Variants in VPS51 observed in about 807,000 individuals in gnomAD.
The protein encoded by VPS51 is VPS51 subunit of GARP complex, also known as vacuolar protein sorting-associated protein 51 homolog.
Under a neutral mutation model 65.1 loss-of-function variants are expected in VPS51, and 55 were observed. The ratio of observed to expected loss-of-function variants is 0.84; its 90% CI spans 0.68 to 1.06. VPS51 has a LOEUF of 1.06. Among genes scored for constraint, VPS51 ranks in the 50% least tolerant of loss-of-function variants. The pLI is 0.00. For missense variants in VPS51, 943 were observed against 1,101.6 expected, an observed-to-expected ratio of 0.86 and a Z score of 2.04; for synonymous variants, 473 against 489.5, an observed-to-expected ratio of 0.97 and a Z score of 0.44.
Position 65,109,774 on chromosome 11 carries a change from A to AC in VPS51, c.1732dup (p.His578ProfsTer107). The stretch of plus-strand genomic sequence containing the variant: ...CAGGGAAACGGCGCGGCGGCTGCTG[A>AC]CCCACTACGTGAAGGTGCAGGGCCT... On this transcript the variant is annotated frameshift_variant, in exon 7 of 10. Transcript: ENST00000279281. LOFTEE classifies it high-confidence loss of function. The AC allele has an allele frequency of 6.2e-7, 1 of 1,603,868 alleles. No individual in the cohort carries two copies. The highest frequency in any genetic ancestry group is 8.5e-7 in the Non-Finnish European group (1 of 1,176,146).
At chr11:65,106,376 G>A (rs1252962601) in intron 2 of VPS51, among the ~76,000 whole-genome samples, 1 of 152,208 alleles carries the variant, frequency 6.6e-6, no homozygotes, top group African/African-American at 2.4e-5. Context: ...CATGGCAGAA[G>A]GTGAAAGAGA....
At position 65,096,360 on chromosome 11, in the gene VPS51, T is replaced by C; in HGVS notation, c.110T>C (p.Leu37Pro). Residue 37 changes from leucine (L) to proline (P), a missense_variant, in exon 1 of 10, where the codon CTG becomes CCG. Transcript: ENST00000279281. ...CGTCGGCGGAAGGCGCACGGGATGC[T>C]GAAGCTTTACTACGGCCTCTCGGAA... The part of the protein sequence containing the change: ...PERRRKAHGM[L>P]KLYYGLSEGE... 2 of 1,533,236 alleles carry C rather than the reference T, an allele frequency of 1.3e-6. No individual in the cohort carries two copies. Among genetic ancestry groups the C allele is most frequent in the Non-Finnish European group, 1.7e-6 (2 of 1,147,578 alleles). The allele number at this position is 1,533,236 out of a possible 1,614,324, so 95.0% of individuals were successfully genotyped here.
intron 2 of VPS51, among the ~76,000 whole-genome samples, chr11:65,101,567 G>A (rs1011884799): frequency 1.3e-5 from 2 of 151,566 alleles, no homozygotes; most frequent in African/African-American, 4.9e-5. Context: ...TCAGGAGTTC[G>A]AGACCATCCT....
At position 65,109,438 on chromosome 11, in the gene VPS51, C is replaced by G. The variant is rs762231844; in HGVS notation, c.1602C>G (p.Tyr534Ter). The change falls in exon 6 of 10, where the codon TAC becomes TAG. Residue 534 changes from tyrosine to a stop codon, truncating the protein, a stop_gained. Coordinates refer to ENST00000279281, the MANE Select transcript of VPS51 (RefSeq NM_013265.4). LOFTEE classifies it high-confidence loss of function. Reference protein sequence around the residue: ...LLLLSRLCLDYETATISYILT... With the variant: ...LLLLSRLCLD ...TGCTCTCCCGCCTCTGCCTGGACTACGAGACGGCCACCATCTCCTACATCC... is the reference window on the plus strand; with the variant it reads ...TGCTCTCCCGCCTCTGCCTGGACTAGGAGACGGCCACCATCTCCTACATCC... The G allele has an allele frequency of 6.2e-7, 1 of 1,609,618 alleles. No homozygotes were observed. The highest frequency in any genetic ancestry group is 2.2e-5 in the East Asian group (1 of 44,876).
At chr11:65,096,518 G>T in intron 1 of VPS51, 40 bp downstream of exon 1, 8 of 499,394 alleles carry the variant, frequency 1.6e-5, no homozygotes, top group South Asian at 1.8e-5. Context: ...GGGGAGGGGG[G>T]AAGGGAACCA....
chr11:65,096,497 T>TGGGGGG lies in VPS51; in HGVS notation c.228+21_228+26dup. 2 of 628,474 alleles carry TGGGGGG rather than the reference T, an allele frequency of 3.2e-6. No individual in the cohort carries two copies. The highest frequency in any genetic ancestry group is 2.4e-5 in the South Asian group (1 of 41,256). 38.9% of individuals were successfully genotyped at this position (628,474 alleles called of 1,614,324 possible). ...AGACAAGGTGTGTGCGCACGGGGAG[T>TGGGGGG]GGGGGGGTGCGGGGAGGGGGGAAGG... On this transcript the variant is annotated intron_variant, in intron 1 of 9. Coordinates refer to ENST00000279281, the MANE Select transcript of VPS51 (RefSeq NM_013265.4).
chr11:65,096,546 T>G, intron 1 of VPS51, 68 bp downstream of exon 1: 3 of 1,308,838 alleles, frequency 2.3e-6, no homozygotes, highest in Non-Finnish European at 3.1e-6. Context: ...GCTATATTGC[T>G]CCCCCAGATC....
intron 7 of VPS51, 190 bp from the exon 8 acceptor site, chr11:65,110,292 T>A (rs759672907): frequency 1.5e-5 from 15 of 987,380 alleles, no homozygotes; most frequent in Non-Finnish European, 2.3e-5. Context: ...CCAACTCTTG[T>A]ATCCTGCCTT....
chr11:65,106,743 TCA>T (rs1947844238), intron 2 of VPS51, among the ~76,000 whole-genome samples: 1 of 106,864 alleles, frequency 9.4e-6, no homozygotes. Context: ...AGAGCGAGAC[TCA>T]GTCTCAAAAA....
intron 9 of VPS51, 191 bp downstream of exon 9, chr11:65,110,972 C>G: frequency 1.4e-6 from 1 of 704,886 alleles, no homozygotes; most frequent in Non-Finnish European, 2.4e-6. Context: ...AGCCCTTGTC[C>G]CAGTCTTGGT....
In VPS51 at chr11:65,109,507, G is replaced by C. The variant is rs370032164; in HGVS notation, c.1659+12G>C. On this transcript the variant is annotated intron_variant, in intron 6 of 9. Transcript: ENST00000279281. ...AGTTTCTGGTGCAGGTGAAGCACTA[G>C]CTCCTAGCCGGGCAGGGAATGGTGT... The C allele has an allele frequency of 1.2e-5, 20 of 1,603,482 alleles. No homozygotes were observed. In the African/African-American group the frequency reaches 2.4e-4, roughly 19 times the overall value.
At position 65,096,497 on chromosome 11, in the gene VPS51, T is replaced by TGGGGGGGGGGGGGGG. The variant is rs61505294; in HGVS notation, c.228+26_228+27insGGGGGGGGGGGGGGG. ...AGACAAGGTGTGTGCGCACGGGGAGTGGGGGGGTGCGGGGAGGGGGGAAGG... is the reference window on the plus strand; with the variant it reads ...AGACAAGGTGTGTGCGCACGGGGAGTGGGGGGGGGGGGGGGGGGGGGGTGCGGGGAGGGGGGAAGG... On this transcript the variant is annotated intron_variant, in intron 1 of 9. Coordinates refer to ENST00000279281, the MANE Select transcript of VPS51 (RefSeq NM_013265.4). The TGGGGGGGGGGGGGGG allele has an allele frequency of 1.6e-6, 1 of 624,562 alleles. No homozygotes were observed. Among genetic ancestry groups the TGGGGGGGGGGGGGGG allele is most frequent in the Non-Finnish European group, 2.5e-6 (1 of 407,172 alleles). The allele number at this position is 624,562 out of a possible 1,614,324, so 38.7% of individuals were successfully genotyped here.
At chr11:65,110,058 G>C (rs1309033587) in intron 7 of VPS51, 135 bp downstream of exon 7, 3 of 996,472 alleles carry the variant, frequency 3.0e-6, no homozygotes, top group Non-Finnish European at 4.4e-6. Flanking sequence ...CTTCTCACGG[G>C]GCCAGTTCTG....
intron 4 of VPS51, 75 bp from the exon 5 acceptor site, chr11:65,108,121 TG>T (rs1456347971): frequency 5.2e-6 from 8 of 1,547,772 alleles, no homozygotes; most frequent in African/African-American, 1.4e-5. Flanking sequence ...CTGCCCTGTG[TG>T]TGCTTTGCTT....
chr11:65,103,828 A>G (rs140103785), intron 2 of VPS51, among the ~76,000 whole-genome samples: 2 of 151,854 alleles, frequency 1.3e-5, no homozygotes, highest in East Asian at 1.9e-4. Context: ...ACCTCTTTCA[A>G]TCTTTGACAA....
chr11:65,109,643 C>A, intron 6 of VPS51, 62 bp from the exon 7 acceptor site: 1 of 1,516,976 alleles, frequency 6.6e-7, no homozygotes, highest in Non-Finnish European at 8.9e-7. Context: ...TCCTGGTTGG[C>A]AGTGGCCCCT....
chr11:65,106,617 G>A (rs773599070), intron 2 of VPS51, among the ~76,000 whole-genome samples: 50 of 152,258 alleles, frequency 3.3e-4, no homozygotes, highest in Non-Finnish European at 6.2e-4. Flanking sequence ...TGGGTGTGGT[G>A]GCAGGCACCT....
chr11:65,108,790 C>T lies in VPS51; in HGVS notation c.1319C>T (p.Pro440Leu). Residue 440 changes from proline (P) to leucine (L), a missense_variant, in exon 5 of 10, where the codon CCT (proline) becomes CTT (leucine). Pro to Leu is a moderately conservative substitution (Grantham distance 98). This residue lies in a region of VPS51 where 855 missense variants were observed against 953.7 expected (regional missense o/e 0.90). Coordinates refer to ENST00000279281, the MANE Select transcript of VPS51 (RefSeq NM_013265.4). Reference sequence around the variant, plus strand: ...CCTCGCGTGGCTGGGAAGGAGGGCCCTGGCCTGGCCGAGTTGCTGGCCAAT... The same window carrying T: ...CCTCGCGTGGCTGGGAAGGAGGGCCTTGGCCTGGCCGAGTTGCTGGCCAAT... Reference protein sequence around the residue: ...AAPRVAGKEGPGLAELLANVA... With the variant: ...AAPRVAGKEGLGLAELLANVA... 1 of 1,612,800 alleles carries T rather than the reference C, an allele frequency of 6.2e-7. No homozygotes were observed. The highest frequency in any genetic ancestry group is 8.5e-7 in the Non-Finnish European group (1 of 1,179,972).
Position 65,111,770 on chromosome 11 carries a change from C to T in VPS51, c.*183C>T. The T allele has an allele frequency of 5.2e-6, 6 of 1,156,892 alleles. No homozygotes were observed. The highest frequency in any genetic ancestry group is 2.6e-5 in the East Asian group (1 of 38,728). 71.7% of individuals were successfully genotyped at this position (1,156,892 alleles called of 1,614,324 possible). A position where few individuals can be genotyped will look rare whatever the true frequency, so the allele number is the denominator to read the frequency against. ...TTTTGAAGCTGAGGCTTCTGAGGCG[C>T]CCGCGTCGGGTCCGCCCCCGAGCGC... On this transcript the variant is annotated 3_prime_UTR_variant, in exon 10 of 10. Transcript: ENST00000279281.
Sources: gnomAD v4.1 joint callset for allele counts (sites outside exome capture counted in the v4.1 genomes callset) on GRCh38, gnomAD v4.1.1 for gene constraint, gnomAD v4.1.1 regional missense constraint, MANE v1.5 for transcripts, NCBI Gene and HGNC (gene_info 2026-07-23, HGNC 2026-07-21) for gene names.